DCUN1D3: variants seen among roughly 807,000 people sequenced by gnomAD.
The protein encoded by DCUN1D3 is DCN1-like protein 3.
DCUN1D3 carries 6 observed loss-of-function variants against 24.8 expected under a neutral mutation model. The ratio of observed to expected loss-of-function variants is 0.24; its 90% confidence interval spans 0.13 to 0.48. The LOEUF (loss-of-function observed/expected upper bound fraction) is 0.48. DCUN1D3 is among the 20% of genes least tolerant of loss of function. The pLI is 0.99. For synonymous variants in DCUN1D3, 120 were observed against 144.9 expected, an observed-to-expected ratio of 0.83 and a Z score of 1.24; for missense variants, 258 against 379.4, an observed-to-expected ratio of 0.68 and a Z score of 2.66.
At chr16:20,882,459 A>G (rs1044775769) in intron 1 of DCUN1D3, among the ~76,000 whole-genome samples, 1 of 151,326 alleles carries the variant, frequency 6.6e-6, no homozygotes, top group African/African-American at 2.4e-5. Flanking sequence ...GAGACGGGGT[A>G]TCTCCATGTT....
intron 1 of DCUN1D3, among the ~76,000 whole-genome samples, chr16:20,897,213 A>G (rs958585183): frequency 6.6e-6 from 1 of 152,244 alleles, no homozygotes; most frequent in South Asian, 2.1e-4. Context: ...AAAAAAGCAT[A>G]TTCTGTTTCA....
At chr16:20,885,325 C>A (rs756430705) in intron 1 of DCUN1D3, among the ~76,000 whole-genome samples, 31 of 152,054 alleles carry the variant, frequency 2.0e-4, no homozygotes, top group Non-Finnish European at 4.0e-4. Context: ...GGCACAGGGA[C>A]CTATCAGACT....
intron 1 of DCUN1D3, among the ~76,000 whole-genome samples, chr16:20,891,193 C>A (rs2081890793): frequency 6.6e-6 from 1 of 152,036 alleles, no homozygotes; most frequent in Non-Finnish European, 1.5e-5. Flanking sequence ...GGGGTTTCAC[C>A]ATCTTGGCCA....
chr16:20,892,308 T>C (rs944347684), intron 1 of DCUN1D3, among the ~76,000 whole-genome samples: 5 of 152,108 alleles, frequency 3.3e-5, no homozygotes, highest in African/African-American at 7.2e-5. Flanking sequence ...TTCCACTTAC[T>C]GAGAAGGAAG....
intron 1 of DCUN1D3, among the ~76,000 whole-genome samples, chr16:20,880,592 A>G (rs1180815194): frequency 7.9e-6 from 1 of 126,016 alleles, no homozygotes. Context: ...GTGACAGAGT[A>G]AGACCCTGTC....
At chr16:20,867,141 C>G (rs2152516546) in intron 1 of DCUN1D3, among the ~76,000 whole-genome samples, 1 of 152,256 alleles carries the variant, frequency 6.6e-6, no homozygotes, top group Admixed American at 6.5e-5. Context: ...AACAAGGAAA[C>G]TGAGGCTGAG....
Position 20,865,149 on chromosome 16 carries a change from TA to T in DCUN1D3, c.-105-2507del, listed in dbSNP as rs967611056. 1.3e-3 allele frequency among the ~76,000 whole-genome samples: 148 copies of T among 113,822 alleles called. No homozygotes were observed. In the East Asian group the frequency reaches 0.014, roughly 11 times the overall value. The allele number at this position is 113,822 out of a possible 152,430, so 74.7% of individuals were successfully genotyped here. Reference sequence around the variant, plus strand: ...GTACCCCCAAACCTAAAATAAAAGCTAAAAAAAAAAAGTTACCAAAAATAAA... The same window carrying T: ...GTACCCCCAAACCTAAAATAAAAGCTAAAAAAAAAAGTTACCAAAAATAAA... On this transcript the variant is annotated intron_variant, in intron 1 of 2. Transcript: ENST00000324344.
intron 1 of DCUN1D3, among the ~76,000 whole-genome samples, chr16:20,888,439 T>C (rs1340837893): frequency 6.6e-6 from 1 of 152,196 alleles, no homozygotes; most frequent in Non-Finnish European, 1.5e-5. Flanking sequence ...TATGTTCTCT[T>C]AACCAAGGCA....
intron 1 of DCUN1D3, among the ~76,000 whole-genome samples, chr16:20,871,699 A>C (rs2081789042): frequency 6.6e-6 from 1 of 152,224 alleles, no homozygotes; most frequent in Non-Finnish European, 1.5e-5. Flanking sequence ...CTGGGCTTCC[A>C]AACTGAGCTA....
rs527713218 is a variant in DCUN1D3, at chr16:20,895,070, C to T, written c.-106+5134G>A. Among the ~76,000 whole-genome samples the T allele has an allele frequency of 9.2e-4, 140 of 152,132 alleles. 1 individual carries two copies. The highest frequency in any genetic ancestry group is 7.1e-3 in the South Asian group (34 of 4,822). ...ATGAATTTTTTAAAATACAGCATAG[C>T]AACTATTTACATACCACTTACATTG... On this transcript the variant is annotated intron_variant, in intron 1 of 2. Coordinates refer to ENST00000324344, the MANE Select transcript of DCUN1D3 (RefSeq NM_173475.4).
In DCUN1D3 at chr16:20,888,163, G is replaced by A. The variant is rs553542410; in HGVS notation, c.-106+12041C>T. Among the ~76,000 whole-genome samples, 12 of 152,298 alleles carry A rather than the reference G, an allele frequency of 7.9e-5. No homozygotes were observed. In the South Asian group the frequency reaches 2.5e-3, roughly 32 times the overall value. The stretch of plus-strand genomic sequence containing the variant: ...GATATACATGATTCTTGACTCCTTG[G>A]GAATTAGCTGCCATTCCAGGTGGGC... On this transcript the variant is annotated intron_variant, in intron 1 of 2. Coordinates refer to ENST00000324344, the MANE Select transcript of DCUN1D3 (RefSeq NM_173475.4).
chr16:20,885,354 A>G (rs1399589990), intron 1 of DCUN1D3, among the ~76,000 whole-genome samples: 1 of 152,064 alleles, frequency 6.6e-6, no homozygotes, highest in Non-Finnish European at 1.5e-5. Flanking sequence ...TCTTTATAGC[A>G]ATTTTTTAAA....
intron 1 of DCUN1D3, among the ~76,000 whole-genome samples, chr16:20,898,445 A>G (rs1221134681): frequency 6.6e-6 from 1 of 152,194 alleles, no homozygotes; most frequent in East Asian, 1.9e-4. Context: ...CAGTGCCTGA[A>G]ACACTGGCTA....
intron 1 of DCUN1D3, among the ~76,000 whole-genome samples, chr16:20,899,348 C>A (rs914523871): frequency 2.6e-5 from 4 of 152,176 alleles, no homozygotes; most frequent in South Asian, 2.1e-4. Flanking sequence ...GGATTCCTTG[C>A]AAAGGCTCTG....
intron 1 of DCUN1D3, among the ~76,000 whole-genome samples, chr16:20,892,150 G>A (rs985296687): frequency 2.6e-5 from 4 of 152,220 alleles, no homozygotes; most frequent in Admixed American, 6.5e-5. Context: ...GCTCCTCACC[G>A]TGGGCATGAG....
At chr16:20,899,999 C>A (rs1275698247) in intron 1 of DCUN1D3, 2 of 152,600 alleles carry the variant, frequency 1.3e-5, no homozygotes, top group Non-Finnish European at 2.9e-5. Context: ...GAGGCAGGGA[C>A]AGTAGGTAAG....
chr16:20,861,976 T>A, intron 2 of DCUN1D3, 132 bp downstream of exon 2: 1 of 934,150 alleles, frequency 1.1e-6, no homozygotes, highest in Non-Finnish European at 1.6e-6. Flanking sequence ...TTAGAGAACC[T>A]GATCAGAAAA....
At chr16:20,875,210 G>GCACACACACACACACACACACA (rs3222584) in intron 1 of DCUN1D3, among the ~76,000 whole-genome samples, 4 of 140,256 alleles carry the variant, frequency 2.9e-5, no homozygotes, top group African/African-American at 8.0e-5. Context: ...GTGCGCTCAT[G>GCACACACACACACACACACACA]CACACACACA....
At chr16:20,873,120 CAAA>C (rs557201637) in intron 1 of DCUN1D3, among the ~76,000 whole-genome samples, 7 of 63,698 alleles carry the variant, frequency 1.1e-4, no homozygotes, top group African/African-American at 1.1e-4. Context: ...GACTCTGTCT[CAAA>C]AAAAAAAAAA....
Sources: allele counts gnomAD v4.1 joint callset (sites outside exome capture counted in the v4.1 genomes callset), GRCh38; gene constraint gnomAD v4.1.1; transcripts MANE v1.5; gene names NCBI Gene and HGNC (gene_info 2026-07-23, HGNC 2026-07-21).